Variants in SLC24A2 observed in about 807,000 individuals in gnomAD.
The protein encoded by SLC24A2 is solute carrier family 24 member 2, also known as sodium/potassium/calcium exchanger 2.
Under a neutral mutation model 62.0 loss-of-function variants are expected in SLC24A2, and 36 were observed. The ratio of observed to expected loss-of-function variants is 0.58; its 90% CI spans 0.44 to 0.77. The LOEUF (loss-of-function observed/expected upper bound fraction) is 0.77, where lower values mean the gene tolerates loss of function less well. SLC24A2 is among the 30% of genes least tolerant of loss of function. SLC24A2 has a pLI of 0.00. For missense variants in SLC24A2, 846 were observed against 817.9 expected (o/e 1.03, Z -0.42); for synonymous variants, 358 against 294.0 (o/e 1.22, Z -2.23).
chr9:19,549,073 A>C (rs1322183005), intron 8 of SLC24A2, among the ~76,000 whole-genome samples: 1 of 152,190 alleles, frequency 6.6e-6, no homozygotes, highest in Non-Finnish European at 1.5e-5. Context: ...GATTTGGTCT[A>C]TACTCAGGTT....
At chr9:19,526,252 T>G (rs1288548488) in intron 9 of SLC24A2, among the ~76,000 whole-genome samples, 1 of 152,226 alleles carries the variant, frequency 6.6e-6, no homozygotes, top group Non-Finnish European at 1.5e-5. Flanking sequence ...CATTCATCAG[T>G]TGATGGACAT....
the SLC24A2 span, among the ~76,000 whole-genome samples, chr9:19,803,085 G>GA: frequency 6.6e-6 from 1 of 151,920 alleles, no homozygotes; most frequent in African/African-American, 2.4e-5. Flanking sequence ...AGAACTGTAT[G>GA]AAAAAAAATT....
At chr9:19,596,898 A>G (rs1836717049) in intron 5 of SLC24A2, among the ~76,000 whole-genome samples, 1 of 152,224 alleles carries the variant, frequency 6.6e-6, no homozygotes, top group South Asian at 2.1e-4. Flanking sequence ...TATTGGATGA[A>G]TGTTTCTATA....
the SLC24A2 span, among the ~76,000 whole-genome samples, chr9:20,236,386 T>C: frequency 6.6e-6 from 1 of 152,170 alleles, no homozygotes; most frequent in African/African-American, 2.4e-5. Context: ...GAAACAGCTG[T>C]TTATTGATTT....
the SLC24A2 span, among the ~76,000 whole-genome samples, chr9:20,179,332 G>A: frequency 9.9e-5 from 15 of 152,252 alleles, 1 homozygote; most frequent in East Asian, 5.8e-4. Context: ...ACCAAAGCAC[G>A]CTAGAGAATG....
At chr9:20,082,312 T>C in the SLC24A2 span, among the ~76,000 whole-genome samples, 1 of 152,244 alleles carries the variant, frequency 6.6e-6, no homozygotes, top group East Asian at 1.9e-4. Flanking sequence ...CTCAGTTGTG[T>C]GGGAGATCCA....
chr9:19,639,106 T>TG (rs1564011426), intron 2 of SLC24A2, among the ~76,000 whole-genome samples: 1 of 67,124 alleles, frequency 1.5e-5, no homozygotes. Flanking sequence ...CATTTGCAAG[T>TG]GGTTTTTTCC....
chr9:19,921,503 G>A, the SLC24A2 span, among the ~76,000 whole-genome samples: 2 of 129,572 alleles, frequency 1.5e-5, no homozygotes, highest in Non-Finnish European at 3.1e-5. Context: ...CTGGGCGACA[G>A]AGCGAGACTC....
chr9:19,815,981 T>TTTA, the SLC24A2 span, among the ~76,000 whole-genome samples: 2 of 145,662 alleles, frequency 1.4e-5, no homozygotes, highest in South Asian at 2.2e-4. Flanking sequence ...TTTTTTTTTT[T>TTTA]ACCTTAATCA....
At chr9:19,960,976 G>T in the SLC24A2 span, among the ~76,000 whole-genome samples, 1 of 151,210 alleles carries the variant, frequency 6.6e-6, no homozygotes, top group African/African-American at 2.4e-5. Context: ...CCCTAGACTA[G>T]GTGACAATAT....
chr9:19,579,746 T>C (rs1303269454), intron 5 of SLC24A2, among the ~76,000 whole-genome samples: 1 of 152,092 alleles, frequency 6.6e-6, no homozygotes, highest in African/African-American at 2.4e-5. Flanking sequence ...ACAGAAAATA[T>C]TGGATAGAAA....
the SLC24A2 span, among the ~76,000 whole-genome samples, chr9:20,177,342 G>A: frequency 6.6e-6 from 1 of 151,926 alleles, no homozygotes; most frequent in African/African-American, 2.4e-5. Flanking sequence ...CTTTTTTCCT[G>A]CCCCAACCTC....
chr9:20,046,389 A>G, the SLC24A2 span, among the ~76,000 whole-genome samples: 1 of 152,268 alleles, frequency 6.6e-6, no homozygotes, highest in African/African-American at 2.4e-5. Context: ...GGAAGCACTT[A>G]GGCAGACAAT....
chr9:19,998,368 G>C, the SLC24A2 span, among the ~76,000 whole-genome samples: 2 of 152,284 alleles, frequency 1.3e-5, no homozygotes, highest in South Asian at 2.1e-4. Flanking sequence ...ACTTCCTGAA[G>C]CCTGTCAATG....
chr9:19,879,787 G>C, the SLC24A2 span, among the ~76,000 whole-genome samples: 14 of 152,164 alleles, frequency 9.2e-5, no homozygotes, highest in East Asian at 2.1e-3. Flanking sequence ...TTATTTTCTT[G>C]TTTGCTTAGA....
the SLC24A2 span, among the ~76,000 whole-genome samples, chr9:20,231,825 T>C: frequency 3.9e-5 from 6 of 152,106 alleles, no homozygotes; most frequent in Admixed American, 1.3e-4. Flanking sequence ...TTTTCATAGG[T>C]AATGCTTCCA....
chr9:19,906,636 T>C, the SLC24A2 span, among the ~76,000 whole-genome samples: 2 of 151,946 alleles, frequency 1.3e-5, no homozygotes, highest in Admixed American at 1.3e-4. Context: ...TAAAAAATGA[T>C]AAAGGGGATA....
chr9:19,623,088 A>G (rs769927698), intron 2 of SLC24A2, among the ~76,000 whole-genome samples: 6 of 152,202 alleles, frequency 3.9e-5, no homozygotes, highest in Non-Finnish European at 5.9e-5. Flanking sequence ...GGGCAGTGGA[A>G]TTCTACCGAC....
At chr9:19,603,488 C>T (rs1448191291) in intron 4 of SLC24A2, among the ~76,000 whole-genome samples, 2 of 151,782 alleles carry the variant, frequency 1.3e-5, no homozygotes, top group Non-Finnish European at 2.9e-5. Flanking sequence ...GACTAAGATC[C>T]ACAGGGTGAG....
Sources: allele counts gnomAD v4.1 joint callset (sites outside exome capture counted in the v4.1 genomes callset), GRCh38; gene constraint gnomAD v4.1.1; transcripts MANE v1.5; gene names NCBI Gene and HGNC (gene_info 2026-07-23, HGNC 2026-07-21).